FAM135B: variants seen among roughly 807,000 people sequenced by gnomAD.
FAM135B encodes protein FAM135B.
In FAM135B, 43 loss-of-function variants were observed where a neutral mutation model predicts 127.7. That is an observed-to-expected ratio of 0.34 (90% CI 0.26 to 0.43). The LOEUF (loss-of-function observed/expected upper bound fraction) is 0.43. FAM135B is among the 20% of genes least tolerant of loss of function. FAM135B has a pLI of 1.00. For missense variants in FAM135B, 1,558 were observed against 1,725.6 expected (o/e 0.90, Z 1.72); for synonymous variants, 670 against 665.1 (o/e 1.01, Z -0.11).
chr8:138,448,672 G>T (rs1352493264), intron 1 of FAM135B, among the ~76,000 whole-genome samples: 1 of 151,750 alleles, frequency 6.6e-6, no homozygotes, highest in African/African-American at 2.4e-5. Flanking sequence ...AATCACATGA[G>T]CCAATCCCTG....
chr8:138,320,366 T>C (rs1433321425), intron 2 of FAM135B, among the ~76,000 whole-genome samples: 1 of 152,212 alleles, frequency 6.6e-6, no homozygotes, highest in East Asian at 1.9e-4. Context: ...GGGATTAAAA[T>C]GCAGGGCCAT....
intron 7 of FAM135B, among the ~76,000 whole-genome samples, chr8:138,197,975 T>G (rs1370808185): frequency 1.3e-5 from 2 of 152,228 alleles, no homozygotes; most frequent in Non-Finnish European, 2.9e-5. Flanking sequence ...ATGAAGGTGA[T>G]GAGGACATTG....
intron 1 of FAM135B, among the ~76,000 whole-genome samples, chr8:138,398,015 C>T (rs188089807): frequency 3.3e-5 from 5 of 152,222 alleles, no homozygotes; most frequent in South Asian, 2.1e-4. Context: ...GCCAGGGCAG[C>T]GGGAGCTCTC....
At chr8:138,323,289 C>T (rs1206656714) in intron 2 of FAM135B, among the ~76,000 whole-genome samples, 1 of 152,176 alleles carries the variant, frequency 6.6e-6, no homozygotes, top group Non-Finnish European at 1.5e-5. Flanking sequence ...CCTTACAAAG[C>T]AAAGCCAGGT....
intron 1 of FAM135B, among the ~76,000 whole-genome samples, chr8:138,466,891 T>A (rs192437176): frequency 1.1e-3 from 169 of 152,346 alleles, no homozygotes; most frequent in African/African-American, 3.9e-3. Flanking sequence ...CTTTGATGAT[T>A]CAGGATCAGG....
chr8:138,197,982 A>G (rs539379365), intron 7 of FAM135B, among the ~76,000 whole-genome samples: 1 of 152,232 alleles, frequency 6.6e-6, no homozygotes, highest in Non-Finnish European at 1.5e-5. Context: ...TGATGAGGAC[A>G]TTGGCCTCAC....
intron 19 of FAM135B, among the ~76,000 whole-genome samples, chr8:138,136,388 T>C (rs1369665090): frequency 6.6e-6 from 1 of 152,144 alleles, no homozygotes; most frequent in Non-Finnish European, 1.5e-5. Context: ...TAGTGGACAC[T>C]GACATAATTT....
rs1302575180 is a variant in FAM135B, at chr8:138,156,062, C to T, written c.1259-2846G>A. On this transcript the variant is annotated intron_variant, in intron 12 of 19. Transcript: ENST00000395297. ...TAGATGGAAGTAAAGCACTCCTCAGCAAATGTAAAAGAACAGAAATTATAA... is the reference window on the plus strand; with the variant it reads ...TAGATGGAAGTAAAGCACTCCTCAGTAAATGTAAAAGAACAGAAATTATAA... Among the ~76,000 whole-genome samples, 3 of 152,160 alleles carry T rather than the reference C, an allele frequency of 2.0e-5. No homozygotes were observed. In the South Asian group the frequency reaches 6.2e-4, roughly 32 times the overall value.
chr8:138,429,153 G>A (rs1192997551), intron 1 of FAM135B, among the ~76,000 whole-genome samples: 1 of 152,136 alleles, frequency 6.6e-6, no homozygotes, highest in African/African-American at 2.4e-5. Context: ...GATGAGGTCT[G>A]GGAAGGTTTC....
At chr8:138,154,872 C>A (rs1818567459) in intron 12 of FAM135B, among the ~76,000 whole-genome samples, 2 of 152,228 alleles carry the variant, frequency 1.3e-5, no homozygotes, top group African/African-American at 4.8e-5. Flanking sequence ...AAACACTGTT[C>A]AGGATATTAT....
intron 7 of FAM135B, among the ~76,000 whole-genome samples, chr8:138,198,888 G>GT (rs1816877759): frequency 6.6e-6 from 1 of 152,202 alleles, no homozygotes; most frequent in South Asian, 2.1e-4. Flanking sequence ...AGAGATGGGA[G>GT]TCCTTGAGTA....
chr8:138,287,205 T>C (rs941900012), intron 3 of FAM135B, among the ~76,000 whole-genome samples: 5 of 152,046 alleles, frequency 3.3e-5, no homozygotes, highest in African/African-American at 1.2e-4. Flanking sequence ...TAAAATTATA[T>C]AATGAAGGAG....
At chr8:138,278,786 T>C (rs1824042058) in intron 3 of FAM135B, among the ~76,000 whole-genome samples, 1 of 152,022 alleles carries the variant, frequency 6.6e-6, no homozygotes, top group African/African-American at 2.4e-5. Flanking sequence ...CTGGAGAACA[T>C]GATTTTTTCT....
intron 1 of FAM135B, 61 bp from the exon 2 acceptor site, chr8:138,368,063 G>T: frequency 1.6e-6 from 2 of 1,243,492 alleles, no homozygotes; most frequent in Non-Finnish European, 2.3e-6. Context: ...AAAGAACCTG[G>T]CTTTTACAAC....
At chr8:138,471,916 A>T (rs1275076576) in intron 1 of FAM135B, among the ~76,000 whole-genome samples, 3 of 152,166 alleles carry the variant, frequency 2.0e-5, no homozygotes, top group Admixed American at 2.0e-4. Context: ...AATAGTGAAG[A>T]GAAGTGATTC....
chr8:138,141,111 T>C lies in FAM135B; in HGVS notation c.3790+87A>G. On this transcript the variant is annotated intron_variant, in intron 17 of 19. Transcript: ENST00000395297. This position sits in a 1 kb window ranked among gnomAD's most constrained non-coding sequence, Gnocchi z 4.7. Reference sequence around the variant, plus strand: ...TGGAAAAGACTGCACAGTCACAGGGTTCCAAGTGGAAGTACCTGTGCCCGG... The same window carrying C: ...TGGAAAAGACTGCACAGTCACAGGGCTCCAAGTGGAAGTACCTGTGCCCGG... The C allele has an allele frequency of 7.7e-7, 1 of 1,303,310 alleles. No homozygotes were observed. Among genetic ancestry groups the C allele is most frequent in the Non-Finnish European group, 1.1e-6 (1 of 922,958 alleles). The allele number at this position is 1,303,310 out of a possible 1,614,324, so 80.7% of individuals were successfully genotyped here.
At chr8:138,493,336 C>T (rs1815272811) in intron 1 of FAM135B, among the ~76,000 whole-genome samples, 1 of 152,076 alleles carries the variant, frequency 6.6e-6, no homozygotes, top group Non-Finnish European at 1.5e-5. Context: ...AAAGGAGGTT[C>T]TTGGTGGTTG....
chr8:138,171,156 C>T (rs1444925859), intron 11 of FAM135B, among the ~76,000 whole-genome samples: 3 of 152,150 alleles, frequency 2.0e-5, no homozygotes, highest in Admixed American at 1.3e-4. Flanking sequence ...TAAACTGAGC[C>T]AATTGTCCTA....
chr8:138,348,296 C>G (rs200795095), intron 2 of FAM135B, among the ~76,000 whole-genome samples: 2 of 151,550 alleles, frequency 1.3e-5, no homozygotes, highest in Non-Finnish European at 2.9e-5. Flanking sequence ...CACCACACCC[C>G]GCTAATTTTT....
Sources: gnomAD v4.1 joint callset for allele counts (sites outside exome capture counted in the v4.1 genomes callset) on GRCh38, gnomAD v4.1.1 for gene constraint, Gnocchi (gnomAD v3.1) non-coding constraint, MANE v1.5 for transcripts, NCBI Gene and HGNC (gene_info 2026-07-23, HGNC 2026-07-21) for gene names.